The following THEMIS variants were observed in gnomAD, a reference collection of about 807,000 sequenced individuals.
The protein encoded by THEMIS is thymocyte selection associated.
A neutral mutation model predicts 52.6 loss-of-function variants in THEMIS; 37 were observed. The observed-to-expected ratio is 0.70, with a 90% CI of 0.54 to 0.93. The LOEUF is 0.93. Ranked by LOEUF, THEMIS falls within the 40% of genes least tolerant of loss-of-function variation. The pLI is 0.00. For synonymous variants in THEMIS, 292 were observed against 272.7 expected (o/e 1.07, Z -0.70); for missense variants, 808 against 763.1 (o/e 1.06, Z -0.69).
chr6:127,732,559 G>C (rs370443717), intron 4 of THEMIS, among the ~76,000 whole-genome samples: 108 of 152,214 alleles, frequency 7.1e-4, no homozygotes, highest in African/African-American at 2.4e-3. Flanking sequence ...CACATTTCCA[G>C]TGCCTTTCCC....
intron 2 of THEMIS, among the ~76,000 whole-genome samples, chr6:127,836,013 T>A: frequency 6.6e-6 from 1 of 152,180 alleles, no homozygotes; most frequent in Non-Finnish European, 1.5e-5. Context: ...ATTCACAAGG[T>A]ATACATTATA....
intron 4 of THEMIS, among the ~76,000 whole-genome samples, chr6:127,793,989 C>A (rs1052658557): frequency 6.6e-6 from 1 of 152,072 alleles, no homozygotes; most frequent in African/African-American, 2.4e-5. Flanking sequence ...AAAAAAGCAT[C>A]GTATTTAAAG....
At chr6:127,875,089 G>A (rs911591797) in intron 1 of THEMIS, among the ~76,000 whole-genome samples, 1 of 152,242 alleles carries the variant, frequency 6.6e-6, no homozygotes, top group Non-Finnish European at 1.5e-5. Flanking sequence ...AATGTAGTGT[G>A]TACTTGAAAC....
In THEMIS at chr6:127,855,067, C is replaced by T. The variant is rs778530244; in HGVS notation, c.213G>A (p.Glu71=). 1.2e-6 allele frequency: 2 copies of T among 1,610,396 alleles called. No individual in the cohort carries two copies. Among genetic ancestry groups the T allele is most frequent in the African/African-American group, 2.7e-5 (2 of 74,664 alleles). The change falls in exon 2 of 6, where the codon GAG becomes GAA. Residue 71 remains glutamate, a synonymous_variant. Transcript: ENST00000368248. The part of the protein sequence containing the change: ...AEICEQIEGC[E]SLQPFELPMN... The stretch of plus-strand genomic sequence containing the variant: ...TAGGCAGTTCAAATGGCTGTAGAGA[C>T]TCACAACCTTCAATCTGCTCACAAA...
At chr6:127,717,739 C>T (rs912094032) in intron 5 of THEMIS, among the ~76,000 whole-genome samples, 1 of 151,674 alleles carries the variant, frequency 6.6e-6, no homozygotes, top group Admixed American at 6.6e-5. Context: ...AAGGTTCCAC[C>T]CCATGTAACT....
intron 4 of THEMIS, among the ~76,000 whole-genome samples, chr6:127,742,999 A>G (rs1017387267): frequency 2.0e-5 from 3 of 152,186 alleles, no homozygotes; most frequent in African/African-American, 7.2e-5. Flanking sequence ...TTTTGCAAAA[A>G]TCATTTATTA....
intron 2 of THEMIS, among the ~76,000 whole-genome samples, chr6:127,854,040 GTCAT>G (rs958158071): frequency 2.0e-5 from 3 of 151,576 alleles, no homozygotes; most frequent in East Asian, 3.9e-4. Context: ...TCTTCCACTG[GTCAT>G]TCATTCATTC....
intron 2 of THEMIS, among the ~76,000 whole-genome samples, chr6:127,854,572 G>A (rs1779536772): frequency 6.6e-6 from 1 of 151,698 alleles, no homozygotes; most frequent in African/African-American, 2.4e-5. Context: ...GAGTCAATTA[G>A]ATAAAAAAGA....
At chr6:127,810,708 T>A (rs1267093529) in intron 4 of THEMIS, among the ~76,000 whole-genome samples, 2 of 152,188 alleles carry the variant, frequency 1.3e-5, no homozygotes, top group South Asian at 2.1e-4. Flanking sequence ...TACCCTCCAA[T>A]CGTGCCTCTA....
chr6:127,787,735 T>C (rs1216863335), intron 4 of THEMIS, among the ~76,000 whole-genome samples: 2 of 152,136 alleles, frequency 1.3e-5, no homozygotes, highest in African/African-American at 2.4e-5. Context: ...GAATGACATC[T>C]GTATTATCTA....
At chr6:127,711,620 T>C (rs1449058106) in intron 5 of THEMIS, among the ~76,000 whole-genome samples, 8 of 152,002 alleles carry the variant, frequency 5.3e-5, no homozygotes, top group Admixed American at 5.3e-4. Context: ...ATCTTTCTTA[T>C]ATGACAAACA....
chr6:127,699,009 A>G, the THEMIS span, among the ~76,000 whole-genome samples: 1 of 151,760 alleles, frequency 6.6e-6, no homozygotes. Flanking sequence ...TAAAAAGGCC[A>G]AAGTTTGGTA....
At chr6:127,808,901 G>A (rs1458119172) in intron 4 of THEMIS, among the ~76,000 whole-genome samples, 7 of 152,142 alleles carry the variant, frequency 4.6e-5, no homozygotes, top group Non-Finnish European at 1.0e-4. Flanking sequence ...AGATGAGCTT[G>A]TAGTGTTCAT....
chr6:127,751,502 A>G (rs1467735815), intron 4 of THEMIS, among the ~76,000 whole-genome samples: 1 of 151,744 alleles, frequency 6.6e-6, no homozygotes, highest in Non-Finnish European at 1.5e-5. Context: ...CCATGCAAAC[A>G]GTAACCAAAA....
At position 127,719,439 on chromosome 6, in the gene THEMIS, G is replaced by A. The variant is rs749923350; in HGVS notation, c.1894+249C>T. On this transcript the variant is annotated intron_variant, in intron 5 of 5. Transcript: ENST00000368248. Reference sequence around the variant, plus strand: ...ACAAGTAATCTTGAAATATTTCATTGCCATGAAAACCATAAATGAGGTGAA... The same window carrying A: ...ACAAGTAATCTTGAAATATTTCATTACCATGAAAACCATAAATGAGGTGAA... Among the ~76,000 whole-genome samples the A allele has an allele frequency of 3.5e-4, 53 of 151,770 alleles. 1 individual carries two copies. The highest frequency in any genetic ancestry group is 2.9e-3 in the East Asian group (15 of 5,148).
intron 1 of THEMIS, among the ~76,000 whole-genome samples, chr6:127,892,282 G>A (rs1183783805): frequency 3.9e-5 from 6 of 152,160 alleles, no homozygotes; most frequent in Non-Finnish European, 8.8e-5. Flanking sequence ...GTCCTCAGCA[G>A]GGATGTTCTT....
At chr6:127,798,718 C>T (rs1223777390) in intron 4 of THEMIS, among the ~76,000 whole-genome samples, 2 of 152,070 alleles carry the variant, frequency 1.3e-5, no homozygotes, top group African/African-American at 4.8e-5. Context: ...CGGCCGGGCG[C>T]GGTGGCTCAC....
chr6:127,785,537 G>A (rs1245105733), intron 4 of THEMIS, among the ~76,000 whole-genome samples: 2 of 150,554 alleles, frequency 1.3e-5, no homozygotes, highest in Non-Finnish European at 3.0e-5. Context: ...AGTTCTGTGT[G>A]GACTATATTT....
intron 4 of THEMIS, among the ~76,000 whole-genome samples, chr6:127,768,746 AAG>A (rs1370405275): frequency 6.6e-6 from 1 of 152,216 alleles, no homozygotes; most frequent in Non-Finnish European, 1.5e-5. Context: ...TTGTAAACAA[AAG>A]TTCCCAAGTT....
Sources: allele counts gnomAD v4.1 joint callset (sites outside exome capture counted in the v4.1 genomes callset), GRCh38; gene constraint gnomAD v4.1.1; transcripts MANE v1.5; gene names NCBI Gene and HGNC (gene_info 2026-07-23, HGNC 2026-07-21).